The following TRIM6 variants were observed in gnomAD, a reference collection of about 807,000 sequenced individuals.
TRIM6 encodes tripartite motif-containing protein 6.
Under a neutral mutation model 51.2 loss-of-function variants are expected in TRIM6, and 43 were observed. The ratio of observed to expected loss-of-function variants is 0.84; its 90% CI spans 0.66 to 1.08. TRIM6 has a LOEUF of 1.08. TRIM6 is among the 50% of genes least tolerant of loss of function. TRIM6 has a pLI of 0.00. For missense variants in TRIM6, 669 were observed against 619.0 expected (o/e 1.08, Z -0.86); for synonymous variants, 215 against 232.4 (o/e 0.93, Z 0.68).
intron 5 of TRIM6, 49 bp downstream of exon 5, chr11:5,608,443 T>G (rs1218344617): frequency 6.2e-7 from 1 of 1,610,168 alleles, no homozygotes; most frequent in Non-Finnish European, 8.5e-7. Context: ...GACAAATGAT[T>G]CCTTTACCCA....
intron 4 of TRIM6, among the ~76,000 whole-genome samples, chr11:5,606,113 G>C (rs1221760932): frequency 1.3e-5 from 2 of 152,206 alleles, no homozygotes. Flanking sequence ...AATTTGCCAA[G>C]TGCTTCTTAC....
intron 1 of TRIM6, 128 bp from the exon 2 acceptor site, chr11:5,603,118 G>C: frequency 6.9e-7 from 1 of 1,451,398 alleles, no homozygotes. Flanking sequence ...GAACGTATTG[G>C]ATATGAGAAT....
intron 1 of TRIM6, 57 bp from the exon 2 acceptor site, chr11:5,603,189 C>A: frequency 3.8e-6 from 6 of 1,569,350 alleles, no homozygotes; most frequent in Middle Eastern, 3.6e-4. Context: ...AGTCAGTATT[C>A]CCTTATTCTC....
Position 5,610,883 on chromosome 11 carries a change from G to A in TRIM6, c.1092G>A (p.Leu364=). ...VGAKVSGPSC[L]EKHYDCSVLG... ...CTAAAGTATCTGGACCTTCCTGTCT[G>A]GAAAAGCATTATGACTGTAGTGTCC... The change falls in exon 8 of 8, where the codon CTG becomes CTA. Residue 364 remains leucine, a synonymous_variant. Coordinates refer to ENST00000380097, the MANE Select transcript of TRIM6 (RefSeq NM_001003818.3). 1.2e-6 allele frequency: 2 copies of A among 1,614,162 alleles called. No homozygotes were observed. The highest frequency in any genetic ancestry group is 1.7e-6 in the Non-Finnish European group (2 of 1,180,022).
At chr11:5,599,593 CAG>C (rs1847707532) in intron 1 of TRIM6, among the ~76,000 whole-genome samples, 2 of 152,016 alleles carry the variant, frequency 1.3e-5, no homozygotes, top group Non-Finnish European at 2.9e-5. Flanking sequence ...TTAGTAGAGA[CAG>C]GGTTTCACCG....
At chr11:5,599,497 G>T (rs1383363212) in intron 1 of TRIM6, among the ~76,000 whole-genome samples, 4 of 152,106 alleles carry the variant, frequency 2.6e-5, no homozygotes, top group African/African-American at 9.6e-5. Flanking sequence ...TCCACCTTCC[G>T]GGTTCACGCC....
At chr11:5,608,417 G>A in intron 5 of TRIM6, 23 bp downstream of exon 5, 2 of 1,613,318 alleles carry the variant, frequency 1.2e-6, no homozygotes, top group East Asian at 4.5e-5. Flanking sequence ...AGAACATGAG[G>A]TAGTTCCCCT....
In TRIM6 at chr11:5,611,276, T is replaced by C. The variant is rs754872062; in HGVS notation, c.1485T>C (p.Thr495=). 1.2e-6 allele frequency: 2 copies of C among 1,614,114 alleles called. No individual in the cohort carries two copies. Among genetic ancestry groups the C allele is most frequent in the Admixed American group, 1.7e-5 (1 of 60,024 alleles). The change falls in exon 8 of 8, where the codon ACT becomes ACC. Residue 495 remains threonine (T), a synonymous_variant. Coordinates refer to ENST00000380097, the MANE Select transcript of TRIM6 (RefSeq NM_001003818.3). Reference sequence around the variant, plus strand: ...TCTCTAAATATTACTTTCCCACTACTCTTTGTCCATATTTTAATCCTTGCA... The same window carrying C: ...TCTCTAAATATTACTTTCCCACTACCCTTTGTCCATATTTTAATCCTTGCA... ...YTFSKYYFPT[T]LCPYFNPCNC...
chr11:5,610,101 CCA>C, intron 5 of TRIM6, 42 bp from the exon 6 acceptor site: 2 of 1,608,622 alleles, frequency 1.2e-6, no homozygotes, highest in Non-Finnish European at 8.5e-7. Context: ...GTGGAGGAAC[CCA>C]CAGTCAGCAG....
rs774415396 is a variant in TRIM6, at chr11:5,604,538, A to T, written c.512A>T (p.Lys171Met). Residue 171 changes from lysine (K) to methionine (M), a missense_variant, in exon 3 of 8, where the codon AAG (lysine) becomes ATG (methionine). Transcript: ENST00000380097. ...VEEVAQEYQE[K>M]FQESLKKLKN... ...ACCTGATTTGTTTTCTTCAAGGAGA[A>T]GTTTCAGGAGTCTCTAAAGAAGCTG... The T allele has an allele frequency of 2.5e-6, 4 of 1,610,470 alleles. No homozygotes were observed. The highest frequency in any genetic ancestry group is 1.7e-6 in the Non-Finnish European group (2 of 1,178,464).
intron 3 of TRIM6, chr11:5,604,920 T>A: frequency 2.3e-6 from 1 of 435,428 alleles, no homozygotes; most frequent in Non-Finnish European, 4.1e-6. Context: ...TCTTTGGCTT[T>A]TCCCTTGCAT....
chr11:5,610,032 G>A, intron 5 of TRIM6, 113 bp from the exon 6 acceptor site: 2 of 1,070,696 alleles, frequency 1.9e-6, no homozygotes, highest in Non-Finnish European at 2.7e-6. Flanking sequence ...GATGCTAAGT[G>A]TATTCAGAAA....
At position 5,610,172 on chromosome 11, in the gene TRIM6, A is replaced by G. The variant is rs372006082; in HGVS notation, c.885A>G (p.Pro295=). 194 of 1,614,060 alleles carry G rather than the reference A, an allele frequency of 1.2e-4. No individual in the cohort carries two copies. Among genetic ancestry groups the G allele is most frequent in the Non-Finnish European group, 1.5e-4 (178 of 1,180,032 alleles). The part of the protein sequence containing the change: ...ERSEFWTLRK[P]EALPTKLRSM... ...GTGAGTTCTGGACCCTGAGGAAGCC[A>G]GAAGCTCTCCCTACAAAGCTGAGAA... The change falls in exon 6 of 8, where the codon CCA becomes CCG. Residue 295 remains proline (P), a synonymous_variant. Transcript: ENST00000380097.
In TRIM6 at chr11:5,611,119, A is replaced by T; in HGVS notation, c.1328A>T (p.Tyr443Phe). The stretch of plus-strand genomic sequence containing the variant: ...CAGCATAACCATGAATATAGGGCCT[A>T]TGAGGATTCTTCCCCTTCCCTGCTT... ...GLQHNHEYRA[Y>F]EDSSPSLLLS... Residue 443 changes from tyrosine (Y) to phenylalanine (F), a missense_variant, in exon 8 of 8, where the codon TAT becomes TTT. Coordinates refer to ENST00000380097, the MANE Select transcript of TRIM6 (RefSeq NM_001003818.3). 1.2e-6 allele frequency: 2 copies of T among 1,614,188 alleles called. No individual in the cohort carries two copies. The highest frequency in any genetic ancestry group is 2.2e-5 in the South Asian group (2 of 91,080).
intron 2 of TRIM6, among the ~76,000 whole-genome samples, chr11:5,604,177 C>CGTGT (rs138228287): frequency 1.5e-5 from 2 of 131,372 alleles, no homozygotes; most frequent in Non-Finnish European, 3.5e-5. Flanking sequence ...TGTGTGTGTG[C>CGTGT]GTGTGTGTGT....
chr11:5,601,082 C>T (rs1847815804), intron 1 of TRIM6, among the ~76,000 whole-genome samples: 1 of 152,214 alleles, frequency 6.6e-6, no homozygotes, highest in African/African-American at 2.4e-5. Flanking sequence ...GGCCACCTCT[C>T]CTTACATATG....
chr11:5,598,517 G>A (rs139576428), intron 1 of TRIM6, among the ~76,000 whole-genome samples: 48 of 152,208 alleles, frequency 3.2e-4, no homozygotes, highest in African/African-American at 1.0e-3. Flanking sequence ...TTAAAAATAA[G>A]CGGGTGAAAT....
intron 1 of TRIM6, among the ~76,000 whole-genome samples, chr11:5,600,818 G>A (rs1360902289): frequency 6.6e-6 from 1 of 152,108 alleles, no homozygotes; most frequent in Non-Finnish European, 1.5e-5. Flanking sequence ...CTGGAACCAG[G>A]GCCAGAGCTT....
intron 4 of TRIM6, among the ~76,000 whole-genome samples, chr11:5,607,175 G>T (rs1036961372): frequency 3.3e-5 from 5 of 152,120 alleles, no homozygotes; most frequent in Middle Eastern, 3.2e-3. Flanking sequence ...CTGCACTCCA[G>T]CCTGGGCGAC....
Sources: allele counts gnomAD v4.1 joint callset (sites outside exome capture counted in the v4.1 genomes callset), GRCh38; gene constraint gnomAD v4.1.1; transcripts MANE v1.5; gene names NCBI Gene and HGNC (gene_info 2026-07-23, HGNC 2026-07-21).